TTBK2: variants seen among roughly 807,000 people sequenced by gnomAD.
TTBK2 encodes tau-tubulin kinase 2.
Under a neutral mutation model 110.8 loss-of-function variants are expected in TTBK2, and 28 were observed. The ratio of observed to expected loss-of-function variants is 0.25; its 90% CI spans 0.19 to 0.35. The LOEUF (loss-of-function observed/expected upper bound fraction) is 0.35. TTBK2 is among the 10% of genes least tolerant of loss of function. TTBK2 has a pLI of 1.00. For missense variants in TTBK2, 1,369 were observed against 1,500.3 expected, an observed-to-expected ratio of 0.91 and a Z score of 1.45; for synonymous variants, 532 against 527.3, an observed-to-expected ratio of 1.01 and a Z score of -0.12.
chr15:42,782,924 A>G (rs1235422708), intron 11 of TTBK2, among the ~76,000 whole-genome samples: 1 of 152,138 alleles, frequency 6.6e-6, no homozygotes, highest in Non-Finnish European at 1.5e-5. Flanking sequence ...TGGTGCCATA[A>G]AGACAGCCAC....
intron 1 of TTBK2, among the ~76,000 whole-genome samples, chr15:42,902,337 A>G (rs757663965): frequency 4.1e-4 from 62 of 151,596 alleles, no homozygotes; most frequent in Non-Finnish European, 7.1e-4. Context: ...CCTGACCAAC[A>G]TGGTGAAACC....
intron 3 of TTBK2, chr15:42,855,262 A>G (rs1460707441): frequency 6.6e-6 from 1 of 152,152 alleles, no homozygotes; most frequent in Non-Finnish European, 1.5e-5. Flanking sequence ...ATAATAAACA[A>G]GGCAAAATAC....
chr15:42,888,696 C>T (rs761375340), intron 1 of TTBK2, among the ~76,000 whole-genome samples: 1 of 152,164 alleles, frequency 6.6e-6, no homozygotes, highest in South Asian at 2.1e-4. Flanking sequence ...TTCCTCACTA[C>T]ACAAGGGTCC....
rs1166188649 is a variant in TTBK2 at position 42,745,308 on chromosome 15, T to C, written c.*487A>G. Reference sequence around the variant, plus strand: ...ACGAAATAAACACACAAGCCAAATATACATGAATACTGGCTCCCTGGCAAC... The same window carrying C: ...ACGAAATAAACACACAAGCCAAATACACATGAATACTGGCTCCCTGGCAAC... On this transcript the variant is annotated 3_prime_UTR_variant, in exon 15 of 15. Transcript: ENST00000267890. 5.4e-6 allele frequency: 1 copy of C among 183,628 alleles called. No homozygotes were observed. Among genetic ancestry groups the C allele is most frequent in the African/African-American group, 2.4e-5 (1 of 41,888 alleles). The allele number at this position is 183,628 out of a possible 1,614,324, so 11.4% of individuals were successfully genotyped here. A position where few individuals can be genotyped will look rare whatever the true frequency, so the allele number is the denominator to read the frequency against.
chr15:42,773,604 C>T (rs183384580), intron 13 of TTBK2, among the ~76,000 whole-genome samples: 36 of 152,160 alleles, frequency 2.4e-4, no homozygotes, highest in African/African-American at 8.2e-4. Context: ...AGGACAGCGT[C>T]GAGAGAGGGC....
chr15:42,828,443 C>T (rs931102095), intron 5 of TTBK2, among the ~76,000 whole-genome samples: 10 of 150,786 alleles, frequency 6.6e-5, no homozygotes, highest in African/African-American at 1.5e-4. Context: ...CAGCCAGGTG[C>T]GGTGACTCAC....
At chr15:42,866,582 T>C (rs1055162355) in intron 3 of TTBK2, among the ~76,000 whole-genome samples, 1 of 152,186 alleles carries the variant, frequency 6.6e-6, no homozygotes, top group Non-Finnish European at 1.5e-5. Flanking sequence ...CTGACATCTA[T>C]AGACTACTTA....
At chr15:42,874,137 A>G (rs1301569716) in intron 2 of TTBK2, among the ~76,000 whole-genome samples, 1 of 152,024 alleles carries the variant, frequency 6.6e-6, no homozygotes. Flanking sequence ...TTAACTTTCC[A>G]TTGTCAATGT....
chr15:42,848,194 T>C (rs969904670), intron 3 of TTBK2, among the ~76,000 whole-genome samples: 2 of 152,210 alleles, frequency 1.3e-5, no homozygotes, highest in Non-Finnish European at 2.9e-5. Context: ...ATCTATTCTC[T>C]ATGTGATTTG....
At chr15:42,916,598 T>C (rs569555281) in intron 1 of TTBK2, among the ~76,000 whole-genome samples, 30 of 152,324 alleles carry the variant, frequency 2.0e-4, no homozygotes, top group African/African-American at 7.0e-4. Context: ...CCCAAAGTGC[T>C]AGGATTACAC....
chr15:42,769,375 C>T (rs1889549665), intron 13 of TTBK2, among the ~76,000 whole-genome samples: 1 of 152,098 alleles, frequency 6.6e-6, no homozygotes, highest in African/African-American at 2.4e-5. Flanking sequence ...TGACAAAGGG[C>T]TAATATCCAA....
chr15:42,860,505 G>C (rs189284569), intron 3 of TTBK2, among the ~76,000 whole-genome samples: 1 of 152,102 alleles, frequency 6.6e-6, no homozygotes, highest in Admixed American at 6.5e-5. Flanking sequence ...CCAACACTTT[G>C]GGAAGTCAAG....
chr15:42,847,571 T>C (rs993818283), intron 3 of TTBK2, among the ~76,000 whole-genome samples: 1 of 152,248 alleles, frequency 6.6e-6, no homozygotes, highest in Admixed American at 6.5e-5. Context: ...CATTTAGATG[T>C]GTGGCACATC....
At position 42,897,821 on chromosome 15, in the gene TTBK2, G is replaced by GGT. The variant is rs1221926682; in HGVS notation, c.-67-19139_-67-19138dup. 4.0e-5 allele frequency among the ~76,000 whole-genome samples: 5 copies of GGT among 126,010 alleles called. No individual in the cohort carries two copies. In the Admixed American group the frequency reaches 4.2e-4, roughly 11 times the overall value. 82.7% of individuals were successfully genotyped at this position (126,010 alleles called of 152,430 possible). The stretch of plus-strand genomic sequence containing the variant: ...AGAAAACTGAACTTATACCAGTAGT[G>GGT]GTACACACACACACACACACACACA... On this transcript the variant is annotated intron_variant, in intron 1 of 14. Coordinates refer to ENST00000267890, the MANE Select transcript of TTBK2 (RefSeq NM_173500.4).
rs1301040789 is a variant in TTBK2 at position 42,740,970 on chromosome 15, C to T, written c.*4825G>A. 1 of 152,182 alleles carries T rather than the reference C, an allele frequency of 6.6e-6. No homozygotes were observed. The highest frequency in any genetic ancestry group is 6.5e-5 in the Admixed American group (1 of 15,286). The allele number at this position is 152,182 out of a possible 1,614,324, so 9.4% of individuals were successfully genotyped here. On this transcript the variant is annotated 3_prime_UTR_variant, in exon 15 of 15. Coordinates refer to ENST00000267890, the MANE Select transcript of TTBK2 (RefSeq NM_173500.4). ...TCTCAGAATTGAGGTGTGCAGCATC[C>T]AGATTCCCCTTTATGTGGATAGGGA...
chr15:42,891,842 C>T (rs1895469118), intron 1 of TTBK2, among the ~76,000 whole-genome samples: 1 of 152,158 alleles, frequency 6.6e-6, no homozygotes, highest in Admixed American at 6.5e-5. Flanking sequence ...CTTGTGGCTC[C>T]AGTCTGAAGT....
At chr15:42,778,710 A>G (rs536126562) in intron 11 of TTBK2, among the ~76,000 whole-genome samples, 1 of 152,202 alleles carries the variant, frequency 6.6e-6, no homozygotes, top group South Asian at 2.1e-4. Flanking sequence ...ACCCAGCAAG[A>G]TAAGAAGAAA....
chr15:42,846,163 C>T (rs531832766), intron 3 of TTBK2, among the ~76,000 whole-genome samples: 23 of 150,532 alleles, frequency 1.5e-4, no homozygotes, highest in Non-Finnish European at 3.3e-4. Context: ...AGTACAGACG[C>T]AATATTTTTT....
chr15:42,774,267 C>T (rs1174211190), intron 13 of TTBK2, among the ~76,000 whole-genome samples: 1 of 152,126 alleles, frequency 6.6e-6, no homozygotes, highest in African/African-American at 2.4e-5. Context: ...TTAAGGAAAC[C>T]TGGTAGCTCT....
Sources: gnomAD v4.1 joint callset for allele counts (sites outside exome capture counted in the v4.1 genomes callset) on GRCh38, gnomAD v4.1.1 for gene constraint, MANE v1.5 for transcripts, NCBI Gene and HGNC (gene_info 2026-07-23, HGNC 2026-07-21) for gene names.